The following ZFAND6 variants were observed in gnomAD, a reference collection of about 807,000 sequenced individuals.
ZFAND6 encodes the protein AN1-type zinc finger protein 6.
ZFAND6 carries 12 observed loss-of-function variants against 24.5 expected under a neutral mutation model. The observed-to-expected ratio is 0.49, with a 90% CI of 0.31 to 0.79. The LOEUF (loss-of-function observed/expected upper bound fraction) is 0.79, where lower values mean the gene tolerates loss of function less well. Among genes scored for constraint, ZFAND6 ranks in the 30% least tolerant of loss-of-function variants. The pLI is 0.04. For synonymous variants in ZFAND6, 92 were observed against 81.5 expected, an observed-to-expected ratio of 1.13 and a Z score of -0.69; for missense variants, 207 against 245.9, an observed-to-expected ratio of 0.84 and a Z score of 1.06.
At chr15:80,067,225 C>G (rs576974357) in intron 1 of ZFAND6, among the ~76,000 whole-genome samples, 83 of 152,318 alleles carry the variant, frequency 5.4e-4, no homozygotes, top group South Asian at 1.2e-3. Context: ...TTCCACCCCT[C>G]CTGCCTTCCT....
rs550345548 is a variant in ZFAND6 at position 80,133,823 on chromosome 15, C to T, written c.478+2530C>T. 1.7e-4 allele frequency among the ~76,000 whole-genome samples: 26 copies of T among 152,186 alleles called. No individual in the cohort carries two copies. In the South Asian group the frequency reaches 4.6e-3, roughly 27 times the overall value. On this transcript the variant is annotated intron_variant, in intron 6 of 6. Transcript: ENST00000261749. The stretch of plus-strand genomic sequence containing the variant: ...GCCATTACCTATAAAGCTGCTAACC[C>T]GAGTCTTGAAGGGAAAAAGATAAAC...
At chr15:80,069,708 A>G (rs2036865435) in intron 1 of ZFAND6, among the ~76,000 whole-genome samples, 1 of 152,046 alleles carries the variant, frequency 6.6e-6, no homozygotes, top group Non-Finnish European at 1.5e-5. Flanking sequence ...GCCCGGGTTC[A>G]AGCAATCCTC....
chr15:80,119,945 A>G (rs1420800433), intron 2 of ZFAND6, among the ~76,000 whole-genome samples: 1 of 152,224 alleles, frequency 6.6e-6, no homozygotes, highest in Admixed American at 6.5e-5. Flanking sequence ...ATGCTTAGAT[A>G]TTAGATAATA....
intron 6 of ZFAND6, among the ~76,000 whole-genome samples, chr15:80,131,834 T>C (rs2040620888): frequency 6.6e-6 from 1 of 152,224 alleles, no homozygotes; most frequent in Non-Finnish European, 1.5e-5. Context: ...TGCAGTCAGA[T>C]TGCTCTGGGA....
intron 1 of ZFAND6, among the ~76,000 whole-genome samples, chr15:80,062,173 T>A (rs1157907393): frequency 6.6e-6 from 1 of 152,218 alleles, no homozygotes; most frequent in East Asian, 1.9e-4. Flanking sequence ...ACTTAAAAAT[T>A]TCTCTTGTGC....
At chr15:80,102,460 T>A (rs749906013) in intron 2 of ZFAND6, among the ~76,000 whole-genome samples, 1 of 152,226 alleles carries the variant, frequency 6.6e-6, no homozygotes, top group Non-Finnish European at 1.5e-5. Context: ...AGTCAAGCAG[T>A]GTTGCAAGTA....
intron 2 of ZFAND6, among the ~76,000 whole-genome samples, chr15:80,117,620 A>G (rs539922294): frequency 6.0e-4 from 92 of 152,310 alleles, no homozygotes; most frequent in Admixed American, 1.3e-3. Flanking sequence ...AACTCAAACA[A>G]TTGCACAGTG....
At chr15:80,107,044 C>T (rs1244681085) in intron 2 of ZFAND6, among the ~76,000 whole-genome samples, 1 of 151,984 alleles carries the variant, frequency 6.6e-6, no homozygotes, top group African/African-American at 2.4e-5. Flanking sequence ...GAAACCCCGT[C>T]TCTACTAAAA....
At chr15:80,097,651 CAAATAAAT>C (rs71453502) in intron 1 of ZFAND6, among the ~76,000 whole-genome samples, 1 of 150,002 alleles carries the variant, frequency 6.7e-6, no homozygotes, top group Non-Finnish European at 1.5e-5. Flanking sequence ...GAAACTGTCT[CAAATAAAT>C]AAATAAATAA....
intron 1 of ZFAND6, among the ~76,000 whole-genome samples, chr15:80,092,421 G>GT (rs2038437844): frequency 6.6e-6 from 1 of 151,756 alleles, no homozygotes; most frequent in African/African-American, 2.4e-5. Context: ...GGGCGACAGA[G>GT]TGAGACTCTG....
intron 1 of ZFAND6, among the ~76,000 whole-genome samples, chr15:80,078,910 T>C (rs2037457140): frequency 6.6e-6 from 1 of 152,062 alleles, no homozygotes; most frequent in Non-Finnish European, 1.5e-5. Flanking sequence ...TATTATACTT[T>C]AAGTTTTAGG....
intron 1 of ZFAND6, among the ~76,000 whole-genome samples, chr15:80,089,326 TCTC>T (rs1194624143): frequency 1.5e-5 from 2 of 135,270 alleles, no homozygotes; most frequent in Non-Finnish European, 3.1e-5. Context: ...AGTGGCACGA[TCTC>T]CTCACTGTAG....
intron 2 of ZFAND6, among the ~76,000 whole-genome samples, chr15:80,111,009 G>T (rs2039580137): frequency 6.6e-6 from 1 of 152,184 alleles, no homozygotes; most frequent in Non-Finnish European, 1.5e-5. Flanking sequence ...ATCTAAAAGA[G>T]CAAGGAAAGA....
chr15:80,098,899 T>TAACG (rs1188794462), intron 2 of ZFAND6, among the ~76,000 whole-genome samples: 4 of 152,114 alleles, frequency 2.6e-5, no homozygotes, highest in Non-Finnish European at 4.4e-5. Context: ...CTGTTTATTT[T>TAACG]GCATTGATTT....
chr15:80,101,589 T>G (rs1170850332), intron 2 of ZFAND6, among the ~76,000 whole-genome samples: 2 of 152,220 alleles, frequency 1.3e-5, no homozygotes, highest in Non-Finnish European at 2.9e-5. Flanking sequence ...ACAACACTGT[T>G]CTAGATAGTT....
intron 1 of ZFAND6, among the ~76,000 whole-genome samples, chr15:80,077,443 A>C (rs892756841): frequency 6.6e-6 from 1 of 152,208 alleles, no homozygotes; most frequent in African/African-American, 2.4e-5. Context: ...CCCCTCTAAC[A>C]TATTTTAAAG....
intron 1 of ZFAND6, among the ~76,000 whole-genome samples, chr15:80,069,481 C>T (rs1228112330): frequency 1.3e-5 from 2 of 152,026 alleles, no homozygotes; most frequent in African/African-American, 2.4e-5. Context: ...CAGTGTTTGA[C>T]CTCATATGCC....
At chr15:80,134,122 G>A (rs992843584) in intron 6 of ZFAND6, among the ~76,000 whole-genome samples, 2 of 151,950 alleles carry the variant, frequency 1.3e-5, no homozygotes, top group Non-Finnish European at 1.5e-5. Context: ...CTAGTAGCTG[G>A]GATTACAGGC....
intron 2 of ZFAND6, among the ~76,000 whole-genome samples, chr15:80,107,284 T>A (rs1382378011): frequency 6.6e-6 from 1 of 152,240 alleles, no homozygotes; most frequent in Non-Finnish European, 1.5e-5. Context: ...AACTGGTTTT[T>A]TGTTTTTTAA....
Sources: gnomAD v4.1 joint callset for allele counts (sites outside exome capture counted in the v4.1 genomes callset) on GRCh38, gnomAD v4.1.1 for gene constraint, MANE v1.5 for transcripts, NCBI Gene and HGNC (gene_info 2026-07-23, HGNC 2026-07-21) for gene names.